The following EPHB1 variants were observed in gnomAD, a reference collection of about 807,000 sequenced individuals.
The protein encoded by EPHB1 is ephrin type-B receptor 1.
In EPHB1, 30 loss-of-function variants were observed where a neutral mutation model predicts 94.4. The ratio of observed to expected loss-of-function variants is 0.32; its 90% CI spans 0.24 to 0.43. The LOEUF (loss-of-function observed/expected upper bound fraction) is 0.43, where lower values mean the gene tolerates loss of function less well. EPHB1 is among the 20% of genes least tolerant of loss of function. The probability of loss-of-function intolerance (pLI) is 1.00; values close to 1 mark genes in which losing one functional copy is unlikely to be tolerated. For missense variants in EPHB1, 1,055 were observed against 1,308.3 expected (o/e 0.81, Z 2.99); for synonymous variants, 522 against 489.1 (o/e 1.07, Z -0.89).
intron 10 of EPHB1, among the ~76,000 whole-genome samples, chr3:135,187,321 G>T (rs946760442): frequency 6.6e-6 from 1 of 150,788 alleles, no homozygotes; most frequent in Non-Finnish European, 1.5e-5. Context: ...TAAATATAAC[G>T]TTAATTCTTG....
At chr3:135,100,989 A>G (rs1939015549) in intron 3 of EPHB1, among the ~76,000 whole-genome samples, 1 of 152,134 alleles carries the variant, frequency 6.6e-6, no homozygotes, top group South Asian at 2.1e-4. Context: ...AGCCTCGGCT[A>G]TGCAAGTTTC....
At chr3:135,166,602 T>A (rs1941659366) in intron 8 of EPHB1, among the ~76,000 whole-genome samples, 1 of 152,240 alleles carries the variant, frequency 6.6e-6, no homozygotes, top group African/African-American at 2.4e-5. Flanking sequence ...AGCCCTGTAG[T>A]TGGCTCCCTC....
In EPHB1 at chr3:134,885,988, G is replaced by A. The variant is rs145102471; in HGVS notation, c.59-39828G>A. ...AGGCTAAATCCACATACCAAGTGAT[G>A]CCTCATGGAGCTGAGCATCGGTTTA... is the stretch of plus-strand genomic sequence containing the variant. On this transcript the variant is annotated intron_variant, in intron 1 of 15. Coordinates refer to ENST00000398015, the MANE Select transcript of EPHB1 (RefSeq NM_004441.5). Among the ~76,000 whole-genome samples the A allele has an allele frequency of 6.0e-3, 912 of 152,324 alleles. 8 individuals carry two copies. The highest frequency in any genetic ancestry group is 0.041 in the Middle Eastern group (12 of 294).
rs186699737 is a variant in EPHB1, at chr3:135,124,911, G to A, written c.962-7803G>A. On this transcript the variant is annotated intron_variant, in intron 4 of 15. Coordinates refer to ENST00000398015, the MANE Select transcript of EPHB1 (RefSeq NM_004441.5). Reference sequence around the variant, plus strand: ...TGAGCTTGCGGTGAGACAGGCATCAGCCAACCTTCTAGCCAGCACCTGCTG... The same window carrying A: ...TGAGCTTGCGGTGAGACAGGCATCAACCAACCTTCTAGCCAGCACCTGCTG... 6.5e-4 allele frequency among the ~76,000 whole-genome samples: 99 copies of A among 151,740 alleles called. 1 individual carries two copies. Among genetic ancestry groups the A allele is most frequent in the Non-Finnish European group, 1.2e-3 (83 of 68,026 alleles).
At chr3:135,189,774 C>G (rs568090543) in intron 10 of EPHB1, among the ~76,000 whole-genome samples, 3 of 152,290 alleles carry the variant, frequency 2.0e-5, no homozygotes, top group African/African-American at 7.2e-5. Context: ...ATCAAATTCA[C>G]CTGGAGCACT....
In EPHB1 at chr3:134,795,406, A is replaced by AACAC; in HGVS notation, c.-214_-211dup. 3.8e-6 allele frequency: 2 copies of AACAC among 529,694 alleles called. No individual in the cohort carries two copies. Among genetic ancestry groups the AACAC allele is most frequent in the Non-Finnish European group, 6.6e-6 (2 of 304,358 alleles). 32.8% of individuals were successfully genotyped at this position (529,694 alleles called of 1,614,324 possible). ...CACGCACACACCCACCTCTCCCATAAACACACACACACACATGCACACCCA... is the reference window on the plus strand; with the variant it reads ...CACGCACACACCCACCTCTCCCATAAACACACACACACACACACATGCACACCCA... On this transcript the variant is annotated 5_prime_UTR_variant, in exon 1 of 16. It adds an upstream start codon to the 5' untranslated region. Coordinates refer to ENST00000398015, the MANE Select transcript of EPHB1 (RefSeq NM_004441.5).
intron 3 of EPHB1, among the ~76,000 whole-genome samples, chr3:135,059,821 T>C (rs762264184): frequency 6.6e-6 from 1 of 152,186 alleles, no homozygotes; most frequent in Non-Finnish European, 1.5e-5. Context: ...CTGCCACCAC[T>C]AATGCGTGAC....
intron 3 of EPHB1, among the ~76,000 whole-genome samples, chr3:134,987,093 A>T (rs1934627427): frequency 6.6e-6 from 1 of 152,204 alleles, no homozygotes; most frequent in South Asian, 2.1e-4. Context: ...AATACTGGGC[A>T]CTCACTATTC....
intron 1 of EPHB1, among the ~76,000 whole-genome samples, chr3:134,843,523 T>A (rs111854330): frequency 6.6e-6 from 1 of 152,196 alleles, no homozygotes; most frequent in African/African-American, 2.4e-5. Flanking sequence ...TGTATGTTGA[T>A]GTGTTTGATG....
intron 3 of EPHB1, among the ~76,000 whole-genome samples, chr3:135,039,586 C>T (rs947452632): frequency 6.6e-6 from 1 of 152,238 alleles, no homozygotes; most frequent in African/African-American, 2.4e-5. Flanking sequence ...GGGAAGGCAG[C>T]TAAGGCCCGG....
At chr3:134,841,973 C>T (rs980962077) in intron 1 of EPHB1, among the ~76,000 whole-genome samples, 3 of 152,184 alleles carry the variant, frequency 2.0e-5, no homozygotes, top group Non-Finnish European at 2.9e-5. Context: ...GACATCCCCA[C>T]ACATTGTTGC....
chr3:134,827,544 G>A (rs569066884), intron 1 of EPHB1, among the ~76,000 whole-genome samples: 1 of 152,310 alleles, frequency 6.6e-6, no homozygotes, highest in East Asian at 1.9e-4. Context: ...TGATCATCAG[G>A]TTTATGTTGT....
At chr3:134,796,444 G>T (rs1278165042) in intron 1 of EPHB1, 3 of 152,246 alleles carry the variant, frequency 2.0e-5, no homozygotes, top group Admixed American at 6.5e-5. Context: ...CCACCCCGGA[G>T]AGGATACTCG....
At chr3:135,187,756 C>G (rs762638690) in intron 10 of EPHB1, among the ~76,000 whole-genome samples, 1 of 152,150 alleles carries the variant, frequency 6.6e-6, no homozygotes, top group Non-Finnish European at 1.5e-5. Context: ...GAAACTTCAC[C>G]ATGTCCCCTG....
intron 1 of EPHB1, among the ~76,000 whole-genome samples, chr3:134,860,420 C>T (rs2037229117): frequency 6.6e-6 from 1 of 152,176 alleles, no homozygotes; most frequent in African/African-American, 2.4e-5. Flanking sequence ...ACATTATCTC[C>T]AGCACAGTGC....
chr3:134,832,075 GTTTTAGGTAT>G (rs1051459214), intron 1 of EPHB1, among the ~76,000 whole-genome samples: 5 of 152,194 alleles, frequency 3.3e-5, no homozygotes, highest in Non-Finnish European at 7.3e-5. Flanking sequence ...ATACTTTTTA[GTTTTAGGTAT>G]TTTAAGCACA....
intron 3 of EPHB1, among the ~76,000 whole-genome samples, chr3:134,966,596 G>C (rs566502019): frequency 3.9e-5 from 6 of 152,290 alleles, no homozygotes; most frequent in East Asian, 1.9e-4. Flanking sequence ...GTGAGCAATT[G>C]GTGGCTTCTC....
At chr3:135,059,914 A>C (rs1214285247) in intron 3 of EPHB1, among the ~76,000 whole-genome samples, 2 of 152,182 alleles carry the variant, frequency 1.3e-5, no homozygotes, top group Non-Finnish European at 2.9e-5. Context: ...TGATGCTCAG[A>C]TACAGTGCCT....
chr3:135,200,681 C>G (rs1942728242), intron 11 of EPHB1, among the ~76,000 whole-genome samples: 1 of 152,042 alleles, frequency 6.6e-6, no homozygotes, highest in Non-Finnish European at 1.5e-5. Flanking sequence ...AATCAAGCAG[C>G]AGAGACAGAC....
Sources: gnomAD v4.1 joint callset for allele counts (sites outside exome capture counted in the v4.1 genomes callset) on GRCh38, gnomAD v4.1.1 for gene constraint, MANE v1.5 for transcripts, NCBI Gene and HGNC (gene_info 2026-07-23, HGNC 2026-07-21) for gene names.